The following RPS6KC1 variants were observed in gnomAD, a reference collection of about 807,000 sequenced individuals.
The protein encoded by RPS6KC1 is inactive ribosomal protein S6 kinase delta-1.
A neutral mutation model predicts 103.8 loss-of-function variants in RPS6KC1; 54 were observed. The observed-to-expected ratio is 0.52, with a 90% confidence interval of 0.42 to 0.65. The LOEUF (loss-of-function observed/expected upper bound fraction) is 0.65, where lower values mean the gene tolerates loss of function less well. Among genes scored for constraint, RPS6KC1 ranks in the 30% least tolerant of loss-of-function variants. RPS6KC1 has a pLI of 0.00. For missense variants in RPS6KC1, 1,151 were observed against 1,253.8 expected, an observed-to-expected ratio of 0.92 and a Z score of 1.24; for synonymous variants, 439 against 438.7, an observed-to-expected ratio of 1.00 and a Z score of -0.01.
chr1:213,142,347 A>C (rs1333797484), intron 6 of RPS6KC1, among the ~76,000 whole-genome samples: 1 of 151,846 alleles, frequency 6.6e-6, no homozygotes, highest in Admixed American at 6.6e-5. Flanking sequence ...GTGCCTTTTA[A>C]TTGGGGCATT....
the RPS6KC1 span, among the ~76,000 whole-genome samples, chr1:213,479,390 T>C: frequency 6.6e-6 from 1 of 152,070 alleles, no homozygotes. Flanking sequence ...GTAATTGGTG[T>C]GGTTAGGCTT....
At chr1:213,255,819 G>C (rs1229339623) in intron 12 of RPS6KC1, among the ~76,000 whole-genome samples, 1 of 152,064 alleles carries the variant, frequency 6.6e-6, no homozygotes, top group Non-Finnish European at 1.5e-5. Flanking sequence ...AAGCTTCCTA[G>C]CTGTTAGGAA....
At chr1:213,720,583 TA>T in the RPS6KC1 span, among the ~76,000 whole-genome samples, 8 of 152,150 alleles carry the variant, frequency 5.3e-5, no homozygotes, top group Non-Finnish European at 1.0e-4. Flanking sequence ...ACCCAAAGAA[TA>T]AAAAATGTCA....
the RPS6KC1 span, among the ~76,000 whole-genome samples, chr1:213,310,571 A>G: frequency 6.6e-5 from 10 of 152,188 alleles, no homozygotes; most frequent in Non-Finnish European, 1.5e-5. Flanking sequence ...TTTTATTCAT[A>G]ACAAAAATAA....
the RPS6KC1 span, among the ~76,000 whole-genome samples, chr1:213,655,196 C>T: frequency 2.0e-5 from 3 of 152,136 alleles, no homozygotes; most frequent in African/African-American, 4.8e-5. Context: ...GCATGTGCCA[C>T]TTTGCTCAGT....
At chr1:213,520,999 T>C in the RPS6KC1 span, among the ~76,000 whole-genome samples, 7 of 152,344 alleles carry the variant, frequency 4.6e-5, no homozygotes, top group Admixed American at 2.6e-4. Flanking sequence ...TAGTGCATTG[T>C]ATATAATATA....
the RPS6KC1 span, among the ~76,000 whole-genome samples, chr1:213,497,376 G>GAAA: frequency 4.2e-5 from 6 of 142,820 alleles, no homozygotes; most frequent in Admixed American, 3.4e-4. Flanking sequence ...TTAACTTAAG[G>GAAA]AAAAAAAAAA....
the RPS6KC1 span, among the ~76,000 whole-genome samples, chr1:213,432,999 GA>G: frequency 6.6e-6 from 1 of 152,176 alleles, no homozygotes; most frequent in Non-Finnish European, 1.5e-5. Flanking sequence ...CTAGTGGCAT[GA>G]AACAGCACAA....
intron 6 of RPS6KC1, among the ~76,000 whole-genome samples, chr1:213,140,539 A>T (rs113730787): frequency 0.01 from 1,590 of 152,194 alleles, 31 homozygotes; most frequent in African/African-American, 0.036. Flanking sequence ...GAGGATTTTT[A>T]ACACAAAGCG....
intron 3 of RPS6KC1, among the ~76,000 whole-genome samples, chr1:213,093,208 C>CT (rs778283618): frequency 2.2e-3 from 301 of 136,210 alleles, no homozygotes; most frequent in Admixed American, 2.7e-3. Context: ...TAATAATCTA[C>CT]TTTTTTTTTT....
the RPS6KC1 span, among the ~76,000 whole-genome samples, chr1:213,444,185 T>C: frequency 6.6e-6 from 1 of 152,214 alleles, no homozygotes; most frequent in African/African-American, 2.4e-5. Context: ...TCTGTGCATG[T>C]CTGTTGGTGT....
At chr1:213,580,328 G>A in the RPS6KC1 span, among the ~76,000 whole-genome samples, 1 of 152,096 alleles carries the variant, frequency 6.6e-6, no homozygotes, top group Non-Finnish European at 1.5e-5. Context: ...GCCTGGAATT[G>A]CTGCAATCTT....
the RPS6KC1 span, among the ~76,000 whole-genome samples, chr1:213,807,957 G>A: frequency 6.6e-6 from 1 of 152,156 alleles, no homozygotes; most frequent in African/African-American, 2.4e-5. Context: ...GCTTTTTAGT[G>A]TGGATGTCCT....
At chr1:213,365,828 T>C in the RPS6KC1 span, among the ~76,000 whole-genome samples, 2 of 152,380 alleles carry the variant, frequency 1.3e-5, no homozygotes, top group African/African-American at 4.8e-5. Flanking sequence ...ATATGCACTC[T>C]GTCCTAACTA....
chr1:213,566,437 G>GTTTTTTTTT, the RPS6KC1 span, among the ~76,000 whole-genome samples: 2 of 48,524 alleles, frequency 4.1e-5, no homozygotes, highest in African/African-American at 8.5e-5. Flanking sequence ...TCAGCCTTTA[G>GTTTTTTTTT]TTTTTTTTTT....
At chr1:213,410,820 G>T in the RPS6KC1 span, among the ~76,000 whole-genome samples, 2 of 110,248 alleles carry the variant, frequency 1.8e-5, no homozygotes, top group African/African-American at 9.2e-5. Context: ...GAAAGTGCCA[G>T]TGATTTTTTT....
At chr1:213,296,842 A>G in the RPS6KC1 span, among the ~76,000 whole-genome samples, 1 of 152,186 alleles carries the variant, frequency 6.6e-6, no homozygotes, top group Admixed American at 6.6e-5. Context: ...GGTCAGAGTG[A>G]ACATTTTTAG....
intron 5 of RPS6KC1, among the ~76,000 whole-genome samples, chr1:213,126,639 GC>G (rs2085022075): frequency 6.6e-6 from 1 of 152,068 alleles, no homozygotes; most frequent in African/African-American, 2.4e-5. Context: ...TTTTTGTATG[GC>G]CTGAAAACTA....
the RPS6KC1 span, among the ~76,000 whole-genome samples, chr1:213,300,290 C>T: frequency 6.6e-6 from 1 of 152,196 alleles, no homozygotes. Flanking sequence ...TATTCAACAG[C>T]CACACAGGTG....
Sources: allele counts gnomAD v4.1 joint callset (sites outside exome capture counted in the v4.1 genomes callset), GRCh38; gene constraint gnomAD v4.1.1; transcripts MANE v1.5; gene names NCBI Gene and HGNC (gene_info 2026-07-23, HGNC 2026-07-21).